MYO15A: variants seen among roughly 807,000 people sequenced by gnomAD.
The protein encoded by MYO15A is myosin XVA.
A neutral mutation model predicts 394.6 loss-of-function variants in MYO15A; 308 were observed. The ratio of observed to expected loss-of-function variants is 0.78; its 90% CI spans 0.71 to 0.86. The LOEUF is 0.86. MYO15A is among the 40% of genes least tolerant of loss of function. The probability of loss-of-function intolerance (pLI) is 0.00; values close to 1 mark genes in which losing one functional copy is unlikely to be tolerated. For synonymous variants in MYO15A, 1,957 were observed against 2,003.8 expected, an observed-to-expected ratio of 0.98 and a Z score of 0.62; for missense variants, 4,606 against 4,799.1, an observed-to-expected ratio of 0.96 and a Z score of 1.19.
chr17:18,135,504 G>A (rs1237905115), intron 12 of MYO15A, among the ~76,000 whole-genome samples: 1 of 152,126 alleles, frequency 6.6e-6, no homozygotes, highest in Non-Finnish European at 1.5e-5. Flanking sequence ...ACCACACCTG[G>A]CTAATTTTGT....
In MYO15A at chr17:18,155,401, G is replaced by A. The variant is rs757713092; in HGVS notation, c.8428G>A (p.Gly2810Ser). The A allele has an allele frequency of 9.3e-6, 15 of 1,613,434 alleles. No homozygotes were observed. In the East Asian group the frequency reaches 1.3e-4, roughly 14 times the overall value. The change falls in exon 47 of 66, where the codon GGC (glycine) becomes AGC (serine). Residue 2810 changes from glycine (G) to serine (S), a missense_variant. Physicochemically the swap from Gly to Ser is moderately conservative, Grantham distance 56 (BLOSUM62 0). Transcript: ENST00000647165. Reference sequence around the variant, plus strand: ...GATGGTCAAGGGTGGCCAGGAGGCCGGCGGGCAGCTGCGGGTCCTGCGTGC... The same window carrying A: ...GATGGTCAAGGGTGGCCAGGAGGCCAGCGGGCAGCTGCGGGTCCTGCGTGC... The part of the protein sequence containing the change: ...LRMVKGGQEA[G>S]GQLRVLRAYS...
chr17:18,148,832 G>A lies in MYO15A; in HGVS notation c.6836G>A (p.Gly2279Asp), dbSNP rs746151755. The A allele has an allele frequency of 6.2e-7, 1 of 1,606,254 alleles. No homozygotes were observed. Among genetic ancestry groups the A allele is most frequent in the Non-Finnish European group, 8.5e-7 (1 of 1,176,310 alleles). Reference protein sequence around the residue: ...KNGVQWAELAGHDYVLDLVSD... With the variant: ...KNGVQWAELADHDYVLDLVSD... ...GGTGTCCAGTGGGCAGAGCTGGCTG[G>A]CCACGACTACGTGTTAGACCTGGTG... Residue 2279 changes from glycine to aspartate, a missense_variant, in exon 33 of 66, where the codon GGC becomes GAC. Physicochemically the swap from Gly to Asp is moderately conservative, Grantham distance 94. Around this residue, in one of 2 missense-constraint regions of MYO15A, gnomAD observed 2,776 missense variants for 3,109.3 expected, o/e 0.89. Transcript: ENST00000647165. This position sits in a 1 kb window ranked among gnomAD's most constrained non-coding sequence, Gnocchi z 4.8.
Position 18,131,478 on chromosome 17 carries a change from T to G in MYO15A, c.4153T>G (p.Ser1385Ala), listed in dbSNP as rs201246214. Residue 1385 changes from serine (S) to alanine (A), a missense_variant, in exon 10 of 66, where the codon TCT becomes GCT. Transcript: ENST00000647165. ...VEIFLEGGVI[S>A]GAITSQYLLE... ...TGCTCCCCACCCCAGGGGCGTGATC[T>G]CTGGTGCCATAACCTCCCAGTACCT... is the stretch of plus-strand genomic sequence containing the variant. 7.1e-5 allele frequency: 114 copies of G among 1,613,902 alleles called. 1 individual carries two copies. The African/African-American group carries it at 1.2e-3, about 17-fold the overall frequency.
At chr17:18,109,635 C>T (rs1185740037) in intron 1 of MYO15A, 2 of 152,380 alleles carry the variant, frequency 1.3e-5, no homozygotes, top group African/African-American at 2.4e-5. Context: ...GCTTGGGCCT[C>T]ACCCTGTCAG....
rs750550254 is a variant in MYO15A, at chr17:18,148,008, G to C, written c.6510-21G>C. On this transcript the variant is annotated intron_variant, in intron 30 of 65. Transcript: ENST00000647165. The surrounding 1 kb of genome is among the most constrained non-coding windows in gnomAD (Gnocchi z 4.8). ...TAGCTTCAGATCCTTCTTGATCCTG[G>C]CTCCAACTCCTACCCATCAGGTTTG... The C allele has an allele frequency of 6.2e-7, 1 of 1,613,930 alleles. No individual in the cohort carries two copies. Among genetic ancestry groups the C allele is most frequent in the Admixed American group, 1.7e-5 (1 of 60,018 alleles).
chr17:18,133,091 G>A (rs753987279), intron 11 of MYO15A, 134 bp from the exon 12 acceptor site: 21 of 875,978 alleles, frequency 2.4e-5, no homozygotes, highest in African/African-American at 3.3e-5. Context: ...CAGAGCCTCC[G>A]TGCCCATGAG....
chr17:18,169,970 CAAAAAAAAAAA>C (rs202026399), intron 62 of MYO15A, among the ~76,000 whole-genome samples: 14 of 59,764 alleles, frequency 2.3e-4, no homozygotes, highest in South Asian at 4.9e-4. Flanking sequence ...GACCCTGTCT[CAAAAAAAAAAA>C]AAAAAAAAAA....
rs1257912388 is a variant in MYO15A, at chr17:18,138,184, C to T, written c.4945C>T (p.Leu1649Phe). Residue 1649 changes from leucine (L) to phenylalanine (F), a missense_variant, in exon 17 of 66, where the codon CTC becomes TTC. Around this residue, in one of 2 missense-constraint regions of MYO15A, gnomAD observed 2,776 missense variants for 3,109.3 expected, o/e 0.89. Coordinates refer to ENST00000647165, the MANE Select transcript of MYO15A (RefSeq NM_016239.4). ...TGCTGACAACCAGCCCTGCATCAAC[C>T]TCATCTCACTGAAGCCTTATGGCAT... Reference protein sequence around the residue: ...TFADNQPCINLISLKPYGILR... With the variant: ...TFADNQPCINFISLKPYGILR... 1 of 1,613,828 alleles carries T rather than the reference C, an allele frequency of 6.2e-7. No individual in the cohort carries two copies. Among genetic ancestry groups the T allele is most frequent in the East Asian group, 2.2e-5 (1 of 44,878 alleles).
intron 65 of MYO15A, among the ~76,000 whole-genome samples, chr17:18,174,243 G>A (rs765731541): frequency 3.9e-5 from 6 of 152,148 alleles, no homozygotes; most frequent in Non-Finnish European, 8.8e-5. Context: ...TGGAGAAACT[G>A]GGCTTCCTGT....
At position 18,129,210 on chromosome 17, in the gene MYO15A, C is replaced by T. The variant is rs185786321; in HGVS notation, c.4033-1595C>T. 3.2e-3 allele frequency among the ~76,000 whole-genome samples: 495 copies of T among 152,360 alleles called. 2 individuals carry two copies. The highest frequency in any genetic ancestry group is 3.3e-3 in the Non-Finnish European group (223 of 68,040). ...CATATGTCCTCACTGGAGCCAACCA[C>T]GTAGCACAGGGAATGCTCTGCCCTG... On this transcript the variant is annotated intron_variant, in intron 7 of 65. Transcript: ENST00000647165.
At chr17:18,141,966 C>A in intron 23 of MYO15A, 113 bp from the exon 24 acceptor site, 1 of 1,399,956 alleles carries the variant, frequency 7.1e-7, no homozygotes, top group Non-Finnish European at 1.0e-6. Context: ...CCTCCAGCCC[C>A]GCTCCAGGAG....
chr17:18,166,964 A>G (rs75220059), intron 61 of MYO15A, among the ~76,000 whole-genome samples: 2,647 of 152,320 alleles, frequency 0.017, 30 homozygotes, highest in Non-Finnish European at 0.028. Flanking sequence ...TGGAGTTTAC[A>G]AAGTCTAGGT....
chr17:18,116,064 G>A (rs139888775), intron 1 of MYO15A, among the ~76,000 whole-genome samples: 1,784 of 152,344 alleles, frequency 0.012, 51 homozygotes, highest in Admixed American at 0.066. Context: ...TGCCTAGCAT[G>A]CAGCACACTT....
chr17:18,144,627 T>C lies in MYO15A; in HGVS notation c.6273+35T>C, dbSNP rs759338437. The C allele has an allele frequency of 3.1e-6, 5 of 1,600,366 alleles. No homozygotes were observed. The Admixed American group carries it at 6.7e-5, about 21-fold the overall frequency. ...CTGCCCCAGCCCACCTTCTAATTCT[T>C]AGCCCCTGGCCCTGAAACTGGGCCA... On this transcript the variant is annotated intron_variant, in intron 29 of 65. Coordinates refer to ENST00000647165, the MANE Select transcript of MYO15A (RefSeq NM_016239.4).
chr17:18,118,179 C>A (rs1199799296), intron 1 of MYO15A, among the ~76,000 whole-genome samples: 3 of 152,180 alleles, frequency 2.0e-5, no homozygotes, highest in African/African-American at 4.8e-5. Context: ...TGAGAGCCAG[C>A]CAGCTCCTGT....
intron 53 of MYO15A, 24 bp from the exon 54 acceptor site, chr17:18,159,251 T>C: frequency 1.2e-6 from 2 of 1,613,254 alleles, no homozygotes; most frequent in Non-Finnish European, 1.7e-6. Context: ...TCCTCCATCA[T>C]GACACAGCCC....
rs572110041 is a variant in MYO15A, at chr17:18,126,106, G to A, written c.3757-241G>A. Among the ~76,000 whole-genome samples, 287 of 152,350 alleles carry A rather than the reference G, an allele frequency of 1.9e-3. 1 individual carries two copies. The highest frequency in any genetic ancestry group is 3.4e-3 in the Middle Eastern group (1 of 294). ...AGTAGGCAGGAGCCCACCCAGGATCGTGGCTGTGGGGTTTGCTCACTCCAG... is the reference window on the plus strand; with the variant it reads ...AGTAGGCAGGAGCCCACCCAGGATCATGGCTGTGGGGTTTGCTCACTCCAG... On this transcript the variant is annotated intron_variant, in intron 4 of 65. Transcript: ENST00000647165.
rs886052668 is a variant in MYO15A, at chr17:18,120,250, C to G, written c.1450C>G (p.Gln484Glu). ...CAAGTTCCGCCTCTTCCCGCGACCC[C>G]AGGTGAAGCTGTTTGGGAAGGAGAA... Reference protein sequence around the residue: ...IRKFRLFPRPQVKLFGKEKLE... With the variant: ...IRKFRLFPRPEVKLFGKEKLE... Residue 484 changes from glutamine (Q) to glutamate (E), a missense_variant, in exon 2 of 66, where the codon CAG becomes GAG. Gln to Glu is a conservative substitution (Grantham distance 29). Around this residue, in one of 2 missense-constraint regions of MYO15A, gnomAD observed 1,830 missense variants for 1,689.7 expected, o/e 1.08. Transcript: ENST00000647165. 3.7e-6 allele frequency: 6 copies of G among 1,612,202 alleles called. No individual in the cohort carries two copies. The highest frequency in any genetic ancestry group is 5.1e-6 in the Non-Finnish European group (6 of 1,179,620).
intron 7 of MYO15A, among the ~76,000 whole-genome samples, chr17:18,127,739 G>A (rs534791418): frequency 6.6e-6 from 1 of 151,732 alleles, no homozygotes; most frequent in Admixed American, 6.6e-5. Context: ...GCCAGTCCCA[G>A]GCTAGGCACT....
Sources: allele counts gnomAD v4.1 joint callset (sites outside exome capture counted in the v4.1 genomes callset), GRCh38; gene constraint gnomAD v4.1.1; regional missense constraint gnomAD v4.1.1; non-coding constraint Gnocchi (gnomAD v3.1); transcripts MANE v1.5; gene names NCBI Gene and HGNC (gene_info 2026-07-23, HGNC 2026-07-21).